SBF2: variants seen among roughly 807,000 people sequenced by gnomAD.
SBF2 encodes the protein SET binding factor 2.
SBF2 carries 112 observed loss-of-function variants against 225.2 expected under a neutral mutation model. The observed-to-expected ratio is 0.50, with a 90% CI of 0.43 to 0.58. The LOEUF (loss-of-function observed/expected upper bound fraction) is 0.58. Among genes scored for constraint, SBF2 ranks in the 20% least tolerant of loss-of-function variants. The pLI is 0.00. For synonymous variants in SBF2, 763 were observed against 773.3 expected, an observed-to-expected ratio of 0.99 and a Z score of 0.22; for missense variants, 1,996 against 2,206.2, an observed-to-expected ratio of 0.90 and a Z score of 1.91.
intron 30 of SBF2, among the ~76,000 whole-genome samples, chr11:9,809,913 C>T (rs918536438): frequency 6.6e-6 from 1 of 152,022 alleles, no homozygotes; most frequent in South Asian, 2.1e-4. Flanking sequence ...TGTGGACATA[C>T]CAAAAAGCGT....
At chr11:9,919,681 A>G (rs1298008798) in intron 16 of SBF2, among the ~76,000 whole-genome samples, 2 of 152,164 alleles carry the variant, frequency 1.3e-5, no homozygotes, top group Admixed American at 1.3e-4. Flanking sequence ...TACCAGGTCC[A>G]GGGTGTGGCC....
chr11:10,141,587 A>G (rs1410077250), intron 2 of SBF2, among the ~76,000 whole-genome samples: 2 of 152,184 alleles, frequency 1.3e-5, no homozygotes, highest in Non-Finnish European at 2.9e-5. Context: ...TAAATCATCA[A>G]AATTATAGCT....
At chr11:10,035,587 A>C (rs1197666289) in intron 3 of SBF2, among the ~76,000 whole-genome samples, 1 of 152,232 alleles carries the variant, frequency 6.6e-6, no homozygotes, top group Non-Finnish European at 1.5e-5. Context: ...AAACAACCCC[A>C]TCAACAAGTG....
Position 9,809,544 on chromosome 11 carries a change from A to ATTT in SBF2, c.4156-545_4156-543dup, listed in dbSNP as rs35374748. Among the ~76,000 whole-genome samples the ATTT allele has an allele frequency of 2.9e-3, 401 of 136,322 alleles. 5 individuals carry two copies. The highest frequency in any genetic ancestry group is 5.2e-3 in the South Asian group (22 of 4,220). 89.4% of individuals were successfully genotyped at this position (136,322 alleles called of 152,430 possible). A position where few individuals can be genotyped will look rare whatever the true frequency, so the allele number is the denominator to read the frequency against. ...TGATGTAGTAAGTTTTGTTTCAGACATTTTTTTTTTTTTTTTTTGAGACAA... is the reference window on the plus strand; with the variant it reads ...TGATGTAGTAAGTTTTGTTTCAGACATTTTTTTTTTTTTTTTTTTTTGAGACAA... On this transcript the variant is annotated intron_variant, in intron 30 of 39. Coordinates refer to ENST00000256190, the MANE Select transcript of SBF2 (RefSeq NM_030962.4).
chr11:9,917,076 C>T (rs1369479655), intron 16 of SBF2, among the ~76,000 whole-genome samples: 2 of 150,930 alleles, frequency 1.3e-5, no homozygotes, highest in Non-Finnish European at 2.9e-5. Context: ...AAAAAAAACT[C>T]ACAAACTTCC....
At chr11:9,885,256 A>AC (rs1860173878) in intron 17 of SBF2, among the ~76,000 whole-genome samples, 2 of 148,810 alleles carry the variant, frequency 1.3e-5, no homozygotes, top group South Asian at 4.3e-4. Flanking sequence ...TCCTCCAAAA[A>AC]AAAAAAAAAA....
intron 2 of SBF2, among the ~76,000 whole-genome samples, chr11:10,129,395 G>A (rs1036352656): frequency 6.6e-5 from 10 of 152,092 alleles, no homozygotes; most frequent in African/African-American, 1.4e-4. Flanking sequence ...GAGCCACCGC[G>A]CCCGGCCAAT....
At chr11:9,998,467 G>A in intron 8 of SBF2, 88 bp from the exon 9 acceptor site, 1 of 747,790 alleles carries the variant, frequency 1.3e-6, no homozygotes, top group South Asian at 1.6e-5. Flanking sequence ...TTCAAAACGA[G>A]AAGAATCAGA....
chr11:10,157,385 A>G (rs1289912494), intron 2 of SBF2, among the ~76,000 whole-genome samples: 1 of 152,250 alleles, frequency 6.6e-6, no homozygotes, highest in Non-Finnish European at 1.5e-5. Flanking sequence ...AAGATGCCAA[A>G]AGCAATTGCA....
chr11:9,828,321 C>A (rs1196789860), intron 28 of SBF2: 3 of 1,205,942 alleles, frequency 2.5e-6, no homozygotes, highest in African/African-American at 3.2e-5. Flanking sequence ...TTAACTGCTG[C>A]CAAACATTGT....
At chr11:9,962,240 G>A (rs1312402798) in intron 15 of SBF2, 134 bp from the exon 16 acceptor site, 8 of 679,364 alleles carry the variant, frequency 1.2e-5, no homozygotes, top group African/African-American at 3.7e-5. Context: ...AAACTCCTAG[G>A]GAATAGGTGA....
At chr11:10,214,327 T>C (rs1256075565) in intron 1 of SBF2, among the ~76,000 whole-genome samples, 2 of 152,088 alleles carry the variant, frequency 1.3e-5, no homozygotes, top group South Asian at 2.1e-4. Flanking sequence ...ACAGTGGAGT[T>C]AAAAACAGCC....
chr11:10,005,409 C>T lies in SBF2; in HGVS notation c.620-2720G>A, dbSNP rs1023882624. On this transcript the variant is annotated intron_variant, in intron 6 of 39. Transcript: ENST00000256190. ...TCTGGGGAGGAGAGATGCAAGACCC[C>T]GGACACATGACAACATATAAAATCC... is the stretch of plus-strand genomic sequence containing the variant. Among the ~76,000 whole-genome samples, 8 of 152,074 alleles carry T rather than the reference C, an allele frequency of 5.3e-5. No individual in the cohort carries two copies. In the East Asian group the frequency reaches 5.8e-4, roughly 11 times the overall value.
chr11:10,043,455 T>G (rs1949733836), intron 2 of SBF2, among the ~76,000 whole-genome samples: 1 of 152,178 alleles, frequency 6.6e-6, no homozygotes, highest in Non-Finnish European at 1.5e-5. Flanking sequence ...TAAAACATAC[T>G]TCAACAAATT....
intron 26 of SBF2, among the ~76,000 whole-genome samples, chr11:9,833,703 A>C (rs1040289927): frequency 2.7e-4 from 41 of 151,538 alleles, no homozygotes; most frequent in Non-Finnish European, 5.2e-4. Context: ...TACAGGCATG[A>C]GCCACCGTGC....
chr11:10,246,853 T>G (rs56875307), intron 1 of SBF2, among the ~76,000 whole-genome samples: 1 of 152,124 alleles, frequency 6.6e-6, no homozygotes, highest in South Asian at 2.1e-4. Context: ...AGCAGGAGAA[T>G]TGCTTGAGTC....
At chr11:9,966,618 C>T (rs1866929918) in intron 14 of SBF2, among the ~76,000 whole-genome samples, 2 of 152,094 alleles carry the variant, frequency 1.3e-5, no homozygotes, top group Non-Finnish European at 2.9e-5. Context: ...AGGAAGACAA[C>T]TCACAGAATG....
At chr11:9,916,202 G>T (rs1239122706) in intron 16 of SBF2, among the ~76,000 whole-genome samples, 1 of 151,966 alleles carries the variant, frequency 6.6e-6, no homozygotes, top group Non-Finnish European at 1.5e-5. Context: ...AATAACTAGG[G>T]ATAATTTTCT....
intron 13 of SBF2, among the ~76,000 whole-genome samples, chr11:9,971,765 G>C (rs1169523507): frequency 6.6e-6 from 1 of 152,146 alleles, no homozygotes; most frequent in Non-Finnish European, 1.5e-5. Flanking sequence ...AATTTGGTAA[G>C]TTCATCCTAA....
Sources: allele counts gnomAD v4.1 joint callset (sites outside exome capture counted in the v4.1 genomes callset), GRCh38; gene constraint gnomAD v4.1.1; transcripts MANE v1.5; gene names NCBI Gene and HGNC (gene_info 2026-07-23, HGNC 2026-07-21).